CIAO2A: variants seen among roughly 807,000 people sequenced by gnomAD.
CIAO2A encodes MIP18 family protein FAM96A.
Under a neutral mutation model 22.4 loss-of-function variants are expected in CIAO2A, and 17 were observed. The ratio of observed to expected loss-of-function variants is 0.76; its 90% CI spans 0.52 to 1.14. The LOEUF is 1.14. Among genes scored for constraint, CIAO2A ranks in the 50% most tolerant of loss-of-function variants. The probability of loss-of-function intolerance (pLI) is 0.00; values close to 1 mark genes in which losing one functional copy is unlikely to be tolerated. For missense variants in CIAO2A, 192 were observed against 191.4 expected (o/e 1.00, Z -0.02); for synonymous variants, 74 against 72.3 (o/e 1.02, Z -0.12).
chr15:64,083,837 G>A (rs2080774137), intron 2 of CIAO2A, among the ~76,000 whole-genome samples: 1 of 152,008 alleles, frequency 6.6e-6, no homozygotes, highest in African/African-American at 2.4e-5. Flanking sequence ...CCAGCTACTT[G>A]GAGGCCGAGG....
At chr15:64,086,329 T>C (rs1053457922) in intron 2 of CIAO2A, among the ~76,000 whole-genome samples, 1 of 151,450 alleles carries the variant, frequency 6.6e-6, no homozygotes, top group Non-Finnish European at 1.5e-5. Flanking sequence ...AGAGAATCGC[T>C]TGAACCTGGC....
In CIAO2A at chr15:64,081,374, C is replaced by T. The variant is rs2080757958; in HGVS notation, c.290-223G>A. ...AATCCAATAAGCTATTACTAATCCC[C>T]TTCTACAAATTATTAAACCAAAGTC... On this transcript the variant is annotated intron_variant, in intron 2 of 4. Transcript: ENST00000300030. Among the ~76,000 whole-genome samples, 3 of 152,078 alleles carry T rather than the reference C, an allele frequency of 2.0e-5. 1 individual carries two copies. Among genetic ancestry groups the T allele is most frequent in the South Asian group, 4.1e-4 (2 of 4,820 alleles).
At position 64,093,586 on chromosome 15, in the gene CIAO2A, C is replaced by T. The variant is rs2080862217; in HGVS notation, c.124+59G>A. Reference sequence around the variant, plus strand: ...CTCAGGTGAGGCCATCATCCCCGCACCCCTCAGCTCCGGCCTGCACCTATA... The same window carrying T: ...CTCAGGTGAGGCCATCATCCCCGCATCCCTCAGCTCCGGCCTGCACCTATA... On this transcript the variant is annotated intron_variant, in intron 1 of 4. Coordinates refer to ENST00000300030, the MANE Select transcript of CIAO2A (RefSeq NM_032231.7). The T allele has an allele frequency of 1.2e-5, 18 of 1,549,012 alleles. No individual in the cohort carries two copies. The South Asian group carries it at 1.6e-4, about 14-fold the overall frequency.
chr15:64,081,263 G>T, intron 2 of CIAO2A, 112 bp from the exon 3 acceptor site: 2 of 939,944 alleles, frequency 2.1e-6, no homozygotes, highest in South Asian at 1.6e-5. Flanking sequence ...GCTGAAAACA[G>T]CTTTGGCTCA....
chr15:64,084,163 G>A (rs922239772), intron 2 of CIAO2A, among the ~76,000 whole-genome samples: 4 of 152,024 alleles, frequency 2.6e-5, no homozygotes, highest in African/African-American at 9.7e-5. Flanking sequence ...CTGCAATCAT[G>A]ATGCAATTTG....
At position 64,081,907 on chromosome 15, in the gene CIAO2A, C is replaced by T. The variant is rs1157259154; in HGVS notation, c.290-756G>A. Among the ~76,000 whole-genome samples, 3 of 152,116 alleles carry T rather than the reference C, an allele frequency of 2.0e-5. No homozygotes were observed. The South Asian group carries it at 6.2e-4, about 32-fold the overall frequency. On this transcript the variant is annotated intron_variant, in intron 2 of 4. Coordinates refer to ENST00000300030, the MANE Select transcript of CIAO2A (RefSeq NM_032231.7). ...CGCAAAAAAATAAAACAAGTCAAAGCCATTTTAAAAGGGCCACATAAAATC... is the reference window on the plus strand; with the variant it reads ...CGCAAAAAAATAAAACAAGTCAAAGTCATTTTAAAAGGGCCACATAAAATC...
chr15:64,087,832 C>T lies in CIAO2A; in HGVS notation c.289+855G>A, dbSNP rs116436735. On this transcript the variant is annotated intron_variant, in intron 2 of 4. Transcript: ENST00000300030. ...CCCAGCTCCCACCACCACTATTACCCGCTAACACCCTTATAGCTATTCATT... is the reference window on the plus strand; with the variant it reads ...CCCAGCTCCCACCACCACTATTACCTGCTAACACCCTTATAGCTATTCATT... Among the ~76,000 whole-genome samples the T allele has an allele frequency of 6.2e-3, 951 of 152,246 alleles. 7 individuals carry two copies. The highest frequency in any genetic ancestry group is 0.022 in the African/African-American group (912 of 41,536).
chr15:64,093,613 C>A (rs762941160), intron 1 of CIAO2A, 32 bp downstream of exon 1: 2 of 1,597,094 alleles, frequency 1.3e-6, no homozygotes, highest in South Asian at 1.1e-5. Flanking sequence ...GCACCTATAA[C>A]GCCAAATGCT....
chr15:64,091,208 T>G (rs1189886953), intron 1 of CIAO2A, among the ~76,000 whole-genome samples: 2 of 152,192 alleles, frequency 1.3e-5, no homozygotes, highest in Non-Finnish European at 2.9e-5. Flanking sequence ...TTGCCAAACA[T>G]GACGGCTCAT....
At chr15:64,091,438 T>C (rs1214043484) in intron 1 of CIAO2A, among the ~76,000 whole-genome samples, 1 of 149,470 alleles carries the variant, frequency 6.7e-6, no homozygotes, top group Non-Finnish European at 1.5e-5. Context: ...TGGGCCAAAA[T>C]TGTGTCACTG....
chr15:64,088,846 T>C lies in CIAO2A; in HGVS notation c.130A>G (p.Ile44Val). ...EEKALEVYDL[I>V]RTIRDPEKPN... The stretch of plus-strand genomic sequence containing the variant: ...TTTTCTGGGTCCCGGATAGTTCTAA[T>C]CAAATCTAAAGAATCATCAGAGATA... Residue 44 changes from isoleucine (I) to valine (V), a missense_variant, in exon 2 of 5, where the codon ATT becomes GTT. Ile to Val is a conservative substitution (Grantham distance 29). Transcript: ENST00000300030. 6.2e-7 allele frequency: 1 copy of C among 1,607,816 alleles called. No homozygotes were observed. The highest frequency in any genetic ancestry group is 8.5e-7 in the Non-Finnish European group (1 of 1,178,552).
chr15:64,087,371 G>A (rs747065668), intron 2 of CIAO2A, among the ~76,000 whole-genome samples: 14 of 152,082 alleles, frequency 9.2e-5, no homozygotes, highest in Non-Finnish European at 1.6e-4. Context: ...GATTACAGGC[G>A]TAAGCCACCG....
chr15:64,086,207 G>C (rs1409958756), intron 2 of CIAO2A, among the ~76,000 whole-genome samples: 1 of 151,438 alleles, frequency 6.6e-6, no homozygotes, highest in Non-Finnish European at 1.5e-5. Flanking sequence ...TTGGAAGTTC[G>C]AGACCAGCCT....
At chr15:64,082,444 T>C (rs1035875052) in intron 2 of CIAO2A, among the ~76,000 whole-genome samples, 1 of 152,154 alleles carries the variant, frequency 6.6e-6, no homozygotes, top group African/African-American at 2.4e-5. Flanking sequence ...GCCAGGCTGG[T>C]CTTGAACTTC....
chr15:64,086,196 A>G (rs2080793148), intron 2 of CIAO2A, among the ~76,000 whole-genome samples: 1 of 151,382 alleles, frequency 6.6e-6, no homozygotes, highest in Non-Finnish European at 1.5e-5. Flanking sequence ...ATCACCTGAT[A>G]TTGGAAGTTC....
intron 1 of CIAO2A, among the ~76,000 whole-genome samples, chr15:64,090,521 C>A (rs752718758): frequency 1.3e-5 from 2 of 152,118 alleles, no homozygotes; most frequent in Non-Finnish European, 2.9e-5. Flanking sequence ...CCATGCGAAG[C>A]ACCTAACTTA....
chr15:64,081,681 C>T (rs1203189542), intron 2 of CIAO2A, among the ~76,000 whole-genome samples: 3 of 151,826 alleles, frequency 2.0e-5, no homozygotes, highest in East Asian at 1.9e-4. Context: ...GGATTACAGG[C>T]GCACACCACC....
At chr15:64,077,060 C>T (rs1189928211) in intron 3 of CIAO2A, among the ~76,000 whole-genome samples, 1 of 152,110 alleles carries the variant, frequency 6.6e-6, no homozygotes, top group East Asian at 1.9e-4. Flanking sequence ...TGCCTGTAAT[C>T]CCAGCAATTT....
chr15:64,081,268 G>A, intron 2 of CIAO2A, 117 bp from the exon 3 acceptor site: 1 of 873,582 alleles, frequency 1.1e-6, no homozygotes, highest in East Asian at 2.6e-5. Flanking sequence ...AAACAGCTTT[G>A]GCTCAATCCA....
Sources: allele counts gnomAD v4.1 joint callset (sites outside exome capture counted in the v4.1 genomes callset), GRCh38; gene constraint gnomAD v4.1.1; transcripts MANE v1.5; gene names NCBI Gene and HGNC (gene_info 2026-07-23, HGNC 2026-07-21).